The following TRIM65 variants were observed in gnomAD, a reference collection of about 807,000 sequenced individuals.
The protein encoded by TRIM65 is tripartite motif containing 65, also known as E3 ubiquitin-protein ligase TRIM65.
TRIM65 carries 46 observed loss-of-function variants against 36.1 expected under a neutral mutation model. The ratio of observed to expected loss-of-function variants is 1.27; its 90% CI spans 1.01 to 1.63. The LOEUF (loss-of-function observed/expected upper bound fraction) is 1.63. TRIM65 is among the 40% of genes most tolerant of loss of function. The pLI, the probability that TRIM65 is intolerant of heterozygous loss-of-function variation, is 0.00. For synonymous variants in TRIM65, 346 were observed against 313.6 expected, an observed-to-expected ratio of 1.10 and a Z score of -1.09; for missense variants, 708 against 696.6, an observed-to-expected ratio of 1.02 and a Z score of -0.18.
chr17:75,894,375 A>G (rs1017203435), intron 1 of TRIM65, among the ~76,000 whole-genome samples: 2 of 152,196 alleles, frequency 1.3e-5, no homozygotes, highest in Non-Finnish European at 1.5e-5. Context: ...CCACCTCCAC[A>G]GTACCGATGC....
Position 75,896,812 on chromosome 17 carries a change from G to C in TRIM65, c.126C>G (p.Arg42=). 6.6e-7 allele frequency: 1 copy of C among 1,514,282 alleles called. No individual in the cohort carries two copies. The highest frequency in any genetic ancestry group is 8.8e-7 in the Non-Finnish European group (1 of 1,133,766). 93.8% of individuals were successfully genotyped at this position (1,514,282 alleles called of 1,614,324 possible). ...GGCACTCGGGGCACGCCTTTCCGCA[G>C]CGGTCCCACCAGTCCCGGATGCAGG... ...CGACIRDWWD[R]CGKACPECRE... is the part of the protein sequence containing the mutation. Residue 42 remains arginine, a synonymous_variant, in exon 1 of 6, where the codon CGC becomes CGG. Transcript: ENST00000269383.
intron 4 of TRIM65, among the ~76,000 whole-genome samples, chr17:75,883,809 G>A (rs941461644): frequency 1.3e-5 from 2 of 152,088 alleles, no homozygotes; most frequent in African/African-American, 4.8e-5. Context: ...TTACAGGCGT[G>A]AGCCACCGCG....
At chr17:75,896,346 C>A (rs1428231591) in intron 1 of TRIM65, among the ~76,000 whole-genome samples, 178 bp downstream of exon 1, 1 of 152,192 alleles carries the variant, frequency 6.6e-6, no homozygotes. Context: ...TGAGCCACTG[C>A]GCCTGGCAGA....
intron 1 of TRIM65, 109 bp downstream of exon 1, chr17:75,896,415 C>A (rs913657705): frequency 1.2e-5 from 15 of 1,219,362 alleles, no homozygotes; most frequent in Admixed American, 4.4e-5. Context: ...ATGAGGCTCC[C>A]CGCCCCCGCC....
At chr17:75,893,151 G>T (rs2065298120) in intron 1 of TRIM65, among the ~76,000 whole-genome samples, 1 of 152,186 alleles carries the variant, frequency 6.6e-6, no homozygotes, top group African/African-American at 2.4e-5. Context: ...GCAAGCTGAG[G>T]CCAAGCACCT....
At chr17:75,879,544 A>C (rs536946387), downstream of TRIM65, 5 of 150,832 alleles carry the variant, frequency 3.3e-5, no homozygotes, top group Non-Finnish European at 5.9e-5. Flanking sequence ...TTATGCACTT[A>C]AAGTGGTGCG....
chr17:75,890,150 G>A lies in TRIM65; in HGVS notation c.*629C>T, dbSNP rs2065246081. ...GGATCCTTTGAGCTCAGGAGCTCGAGGCTGCAGTGAGCCATGATTGTGCCA... is the reference window on the plus strand; with the variant it reads ...GGATCCTTTGAGCTCAGGAGCTCGAAGCTGCAGTGAGCCATGATTGTGCCA... On this transcript the variant is annotated 3_prime_UTR_variant, in exon 6 of 6. Transcript: ENST00000269383. The A allele has an allele frequency of 6.6e-6, 1 of 152,210 alleles. No individual in the cohort carries two copies. Among genetic ancestry groups the A allele is most frequent in the Non-Finnish European group, 1.5e-5 (1 of 68,054 alleles). 9.4% of individuals were successfully genotyped at this position (152,210 alleles called of 1,614,324 possible).
At chr17:75,880,844 C>T (rs1180044796) in intron 4 of TRIM65, among the ~76,000 whole-genome samples, 1 of 150,486 alleles carries the variant, frequency 6.6e-6, no homozygotes, top group African/African-American at 2.5e-5. Context: ...CCCCAGCTCT[C>T]TAGGCTTGGG....
In TRIM65 at chr17:75,889,911, A is replaced by G. The variant is rs569375642; in HGVS notation, c.*868T>C. On this transcript the variant is annotated 3_prime_UTR_variant, in exon 6 of 6. Coordinates refer to ENST00000269383, the MANE Select transcript of TRIM65 (RefSeq NM_173547.4). ...ACCCCTGCACACCAGCCTGGGTGAC[A>G]GATGGAGATCCTGTCTCAAAAAAAA... 1 of 152,302 alleles carries G rather than the reference A, an allele frequency of 6.6e-6. No individual in the cohort carries two copies. Among genetic ancestry groups the G allele is most frequent in the East Asian group, 1.9e-4 (1 of 5,188 alleles). The allele number at this position is 152,302 out of a possible 1,614,324, so 9.4% of individuals were successfully genotyped here.
downstream of TRIM65, among the ~76,000 whole-genome samples, chr17:75,887,431 C>T (rs1006737862): frequency 3.9e-5 from 6 of 151,934 alleles, no homozygotes; most frequent in Non-Finnish European, 5.9e-5. Context: ...TTGCACTGAG[C>T]TGAGATTGCT....
intron 1 of TRIM65, among the ~76,000 whole-genome samples, chr17:75,894,624 G>T (rs963237010): frequency 4.6e-5 from 7 of 152,220 alleles, no homozygotes; most frequent in Non-Finnish European, 8.8e-5. Context: ...CCGCCTCCCG[G>T]GTTCACGCCA....
At chr17:75,888,167 A>AT (rs1491511701), downstream of TRIM65, among the ~76,000 whole-genome samples, 5 of 79,692 alleles carry the variant, frequency 6.3e-5, no homozygotes, top group African/African-American at 2.4e-4. Flanking sequence ...AAAAATATAT[A>AT]AATAAATAAA....
At chr17:75,896,467 G>A in intron 1 of TRIM65, 57 bp downstream of exon 1, 2 of 1,285,628 alleles carry the variant, frequency 1.6e-6, no homozygotes, top group Admixed American at 4.2e-5. Context: ...GGAGTCACCC[G>A]GCGGTGGCCA....
At chr17:75,884,252 G>A (rs894703288), downstream of TRIM65, among the ~76,000 whole-genome samples, 1 of 152,102 alleles carries the variant, frequency 6.6e-6, no homozygotes, top group African/African-American at 2.4e-5. Flanking sequence ...GAGGTGGGGA[G>A]TTCAGGACCA....
chr17:75,896,544 C>A lies in TRIM65; in HGVS notation c.394G>T (p.Ala132Ser), dbSNP rs1283666540. The A allele has an allele frequency of 3.7e-6, 5 of 1,354,058 alleles. No homozygotes were observed. 83.9% of individuals were successfully genotyped at this position (1,354,058 alleles called of 1,614,324 possible). The change falls in exon 1 of 6, where the codon GCC (alanine) becomes TCC (serine). Residue 132 changes from alanine to serine, a missense_variant. Ala to Ser is a moderately conservative substitution (Grantham distance 99). Coordinates refer to ENST00000269383, the MANE Select transcript of TRIM65 (RefSeq NM_173547.4). Reference sequence around the variant, plus strand: ...GTCACCTCGCGCTTGAGGCGCTCGGCATCCAGCAGCGCCCGCTCGTGGAGG... The same window carrying A: ...GTCACCTCGCGCTTGAGGCGCTCGGAATCCAGCAGCGCCCGCTCGTGGAGG... Reference protein sequence around the residue: ...CRLHERALLDAERLKREAQLR... With the variant: ...CRLHERALLDSERLKREAQLR...
At chr17:75,894,979 C>T (rs1037420538) in intron 1 of TRIM65, among the ~76,000 whole-genome samples, 4 of 152,230 alleles carry the variant, frequency 2.6e-5, no homozygotes, top group African/African-American at 7.2e-5. Flanking sequence ...GCGGGGTCAG[C>T]GCGCGGCAGG....
chr17:75,888,786 G>T (rs1442959882), downstream of TRIM65, among the ~76,000 whole-genome samples: 1 of 152,162 alleles, frequency 6.6e-6, no homozygotes, highest in African/African-American at 2.4e-5. Flanking sequence ...TGCCTGGGCT[G>T]TGCCAATCCA....
chr17:75,888,019 G>A (rs1026218905), downstream of TRIM65, among the ~76,000 whole-genome samples: 57 of 152,032 alleles, frequency 3.7e-4, no homozygotes, highest in Non-Finnish European at 4.6e-4. Context: ...AGCTGGGCGT[G>A]GTGGCAGGTG....
chr17:75,892,506 C>A lies in TRIM65; in HGVS notation c.511-6G>T. The A allele has an allele frequency of 1.2e-6, 2 of 1,611,996 alleles. No homozygotes were observed. Among genetic ancestry groups the A allele is most frequent in the South Asian group, 1.1e-5 (1 of 90,822 alleles). On this transcript the variant is annotated splice_polypyrimidine_tract_variant and splice_region_variant and intron_variant, in intron 2 of 5. Transcript: ENST00000269383. ...GCCAAGATGCAGGCCGAGTTCTGGGCGGGAACAGGAGGGGCTTCAGGGTGG... is the reference window on the plus strand; with the variant it reads ...GCCAAGATGCAGGCCGAGTTCTGGGAGGGAACAGGAGGGGCTTCAGGGTGG...
Sources: allele counts gnomAD v4.1 joint callset (sites outside exome capture counted in the v4.1 genomes callset), GRCh38; gene constraint gnomAD v4.1.1; transcripts MANE v1.5; gene names NCBI Gene and HGNC (gene_info 2026-07-23, HGNC 2026-07-21).